Variants in ERLIN1 observed in about 807,000 individuals in gnomAD.
ERLIN1 encodes the protein erlin-1.
ERLIN1 carries 24 observed loss-of-function variants against 46.9 expected under a neutral mutation model. The observed-to-expected ratio is 0.51, with a 90% CI of 0.37 to 0.72. The LOEUF (loss-of-function observed/expected upper bound fraction) is 0.72, where lower values mean the gene tolerates loss of function less well. Among genes scored for constraint, ERLIN1 ranks in the 30% least tolerant of loss-of-function variants. ERLIN1 has a pLI of 0.00. For missense variants in ERLIN1, 293 were observed against 417.9 expected (o/e 0.70, Z 2.61); for synonymous variants, 158 against 143.2 (o/e 1.10, Z -0.74).
At position 100,152,009 on chromosome 10, in the gene ERLIN1, G is replaced by T; in HGVS notation, c.*122C>A. On this transcript the variant is annotated 3_prime_UTR_variant, in exon 11 of 11. Coordinates refer to ENST00000421367, the MANE Select transcript of ERLIN1 (RefSeq NM_006459.4). ...AATCAGTGGAGCACCCAGGACTATC[G>T]CAGGAGAGGTGGAACAGATGAAGTG... The T allele has an allele frequency of 2.7e-6, 2 of 734,720 alleles. No individual in the cohort carries two copies. The highest frequency in any genetic ancestry group is 4.9e-6 in the Non-Finnish European group (2 of 407,994). The allele number at this position is 734,720 out of a possible 1,614,324, so 45.5% of individuals were successfully genotyped here.
intron 2 of ERLIN1, among the ~76,000 whole-genome samples, chr10:100,181,415 C>T (rs1240642290): frequency 6.6e-6 from 1 of 151,930 alleles, no homozygotes; most frequent in East Asian, 1.9e-4. Context: ...CTTTCAATTG[C>T]CAAGTTTGTT....
chr10:100,154,716 C>G, intron 10 of ERLIN1, 144 bp downstream of exon 10: 1 of 655,434 alleles, frequency 1.5e-6, no homozygotes, highest in Non-Finnish European at 2.7e-6. Context: ...ATATTTCTTG[C>G]TAACTGACTA....
chr10:100,170,541 A>G (rs1843930147), intron 6 of ERLIN1, among the ~76,000 whole-genome samples: 2 of 152,192 alleles, frequency 1.3e-5, no homozygotes, highest in Admixed American at 1.3e-4. Context: ...GTAAAAGTGA[A>G]AGTGGGGAAA....
chr10:100,153,805 T>C (rs1253262316), intron 10 of ERLIN1, among the ~76,000 whole-genome samples: 1 of 152,224 alleles, frequency 6.6e-6, no homozygotes, highest in Non-Finnish European at 1.5e-5. Flanking sequence ...CCCATTAGAT[T>C]TGGACTCCTA....
At chr10:100,156,261 C>T in intron 8 of ERLIN1, 27 bp from the exon 9 acceptor site, 2 of 1,447,870 alleles carry the variant, frequency 1.4e-6, no homozygotes, top group Non-Finnish European at 9.7e-7. Flanking sequence ...TAAGAAGACA[C>T]ATTCAAAACC....
Position 100,152,047 on chromosome 10 carries a change from A to C in ERLIN1, c.*84T>G, listed in dbSNP as rs749857802. 6.5e-5 allele frequency: 56 copies of C among 863,690 alleles called. No individual in the cohort carries two copies. Among genetic ancestry groups the C allele is most frequent in the Non-Finnish European group, 1.0e-4 (52 of 513,632 alleles). 53.5% of individuals were successfully genotyped at this position (863,690 alleles called of 1,614,324 possible). A position where few individuals can be genotyped will look rare whatever the true frequency, so the allele number is the denominator to read the frequency against. ...AACAGATGAAGTGTAAGTTCTCTGT[A>C]AATCTGAAGAGTCCGTATAATGATT... On this transcript the variant is annotated 3_prime_UTR_variant, in exon 11 of 11. Transcript: ENST00000421367.
intron 6 of ERLIN1, among the ~76,000 whole-genome samples, chr10:100,170,302 C>G (rs1004771953): frequency 1.3e-5 from 2 of 151,996 alleles, no homozygotes; most frequent in African/African-American, 4.8e-5. Context: ...CAAAAGCAAC[C>G]AAAGCAAAGG....
At position 100,166,309 on chromosome 10, in the gene ERLIN1, A is replaced by G. The variant is rs183662064; in HGVS notation, c.563+1039T>C. On this transcript the variant is annotated intron_variant, in intron 7 of 10. Transcript: ENST00000421367. ...GTGGCATGCACTGGTAGTCCCAACTACTCAGGAGGCTGAGGTGGGAGGATC... is the reference window on the plus strand; with the variant it reads ...GTGGCATGCACTGGTAGTCCCAACTGCTCAGGAGGCTGAGGTGGGAGGATC... Among the ~76,000 whole-genome samples the G allele has an allele frequency of 1.6e-4, 25 of 152,126 alleles. No individual in the cohort carries two copies. The East Asian group carries it at 4.8e-3, about 30-fold the overall frequency.
At chr10:100,169,593 C>T (rs1245033261) in intron 6 of ERLIN1, among the ~76,000 whole-genome samples, 1 of 150,394 alleles carries the variant, frequency 6.6e-6, no homozygotes, top group Non-Finnish European at 1.5e-5. Context: ...GATAAATCTA[C>T]CAAGAATCAA....
In ERLIN1 at chr10:100,167,415, T is replaced by C; in HGVS notation, c.505-9A>G. On this transcript the variant is annotated splice_polypyrimidine_tract_variant and intron_variant, in intron 6 of 10. Transcript: ENST00000421367. ...TTTGTAACACGCACAGCCTAAAAAA[T>C]AAAAGTGAAAAAGCCAAAGTATATT... 1.2e-6 allele frequency: 2 copies of C among 1,609,286 alleles called. No individual in the cohort carries two copies. The highest frequency in any genetic ancestry group is 1.7e-6 in the Non-Finnish European group (2 of 1,178,216).
intron 1 of ERLIN1, among the ~76,000 whole-genome samples, chr10:100,184,670 T>C (rs1844858459): frequency 1.3e-5 from 2 of 152,192 alleles, no homozygotes; most frequent in Admixed American, 6.5e-5. Flanking sequence ...AGAAAGACAA[T>C]GCTTTTAAAC....
chr10:100,165,107 G>A (rs971630161), intron 7 of ERLIN1, among the ~76,000 whole-genome samples: 12 of 152,142 alleles, frequency 7.9e-5, no homozygotes, highest in Non-Finnish European at 1.8e-4. Context: ...GTAACCACGT[G>A]GCAGAAATGG....
rs552183217 is a variant in ERLIN1 at position 100,178,038 on chromosome 10, A to C, written c.304+95T>G. ...TTAATCAGTGATCAATGAAGTCATA[A>C]AACTTTCAAAGTACCCTTCTATTCC... is the stretch of plus-strand genomic sequence containing the variant. On this transcript the variant is annotated intron_variant, in intron 4 of 10. Transcript: ENST00000421367. 2.8e-5 allele frequency: 23 copies of C among 824,222 alleles called. No individual in the cohort carries two copies. In the African/African-American group the frequency reaches 4.0e-4, roughly 14 times the overall value. 51.1% of individuals were successfully genotyped at this position (824,222 alleles called of 1,614,324 possible). A position where few individuals can be genotyped will look rare whatever the true frequency, so the allele number is the denominator to read the frequency against.
Position 100,157,667 on chromosome 10 carries a change from T to C in ERLIN1, c.656-1433A>G, listed in dbSNP as rs574178499. On this transcript the variant is annotated intron_variant, in intron 8 of 10. Transcript: ENST00000421367. ...TGTAAAATCAATCTATATTACACCATCCAAAAACTAAACTACTATGTTCAA... is the reference window on the plus strand; with the variant it reads ...TGTAAAATCAATCTATATTACACCACCCAAAAACTAAACTACTATGTTCAA... Among the ~76,000 whole-genome samples the C allele has an allele frequency of 2.0e-4, 30 of 152,200 alleles. No individual in the cohort carries two copies. The South Asian group carries it at 4.6e-3, about 23-fold the overall frequency.
intron 3 of ERLIN1, 37 bp downstream of exon 3, chr10:100,179,164 A>G: frequency 6.6e-7 from 1 of 1,515,656 alleles, no homozygotes; most frequent in Non-Finnish European, 9.1e-7. Context: ...ACTCTGTCTG[A>G]GCTAAAGGGA....
intron 7 of ERLIN1, among the ~76,000 whole-genome samples, chr10:100,165,479 T>G (rs1178866696): frequency 6.6e-6 from 1 of 150,418 alleles, no homozygotes; most frequent in Non-Finnish European, 1.5e-5. Context: ...CTTCGCCTCC[T>G]GAGTTCACGC....
intron 4 of ERLIN1, 63 bp downstream of exon 4, chr10:100,178,070 A>G (rs910304107): frequency 3.6e-5 from 37 of 1,016,904 alleles, no homozygotes; most frequent in Non-Finnish European, 5.2e-5. Flanking sequence ...TTCCTCAAAG[A>G]ATCTCTCAGC....
chr10:100,176,435 G>A (rs967776354), intron 4 of ERLIN1, among the ~76,000 whole-genome samples: 2 of 152,242 alleles, frequency 1.3e-5, no homozygotes, highest in East Asian at 3.9e-4. Context: ...GAACTGAGAA[G>A]CATAAAGATC....
chr10:100,172,527 A>G (rs1426253519), intron 6 of ERLIN1, among the ~76,000 whole-genome samples: 2 of 152,246 alleles, frequency 1.3e-5, no homozygotes, highest in Non-Finnish European at 2.9e-5. Flanking sequence ...AGATATGAAT[A>G]GGCAATCAGC....
Sources: gnomAD v4.1 joint callset for allele counts (sites outside exome capture counted in the v4.1 genomes callset) on GRCh38, gnomAD v4.1.1 for gene constraint, MANE v1.5 for transcripts, NCBI Gene and HGNC (gene_info 2026-07-23, HGNC 2026-07-21) for gene names.